SCOC: variants seen among roughly 807,000 people sequenced by gnomAD.
SCOC encodes short coiled-coil protein, also known as short coiled coil protein.
Under a neutral mutation model 9.9 loss-of-function variants are expected in SCOC, and 7 were observed. The observed-to-expected ratio is 0.71, with a 90% confidence interval of 0.40 to 1.33. The LOEUF (loss-of-function observed/expected upper bound fraction) is 1.33, where lower values mean the gene tolerates loss of function less well. Ranked by LOEUF, SCOC falls within the 40% of genes most tolerant of loss-of-function variation. The pLI, the probability that SCOC is intolerant of heterozygous loss-of-function variation, is 0.01. For missense variants in SCOC, 66 were observed against 89.7 expected, an observed-to-expected ratio of 0.74 and a Z score of 1.07; for synonymous variants, 19 against 28.2, an observed-to-expected ratio of 0.67 and a Z score of 1.03.
chr4:140,267,591 C>T (rs908674378), intron 1 of SCOC, among the ~76,000 whole-genome samples: 1 of 152,008 alleles, frequency 6.6e-6, no homozygotes, highest in Non-Finnish European at 1.5e-5. Context: ...GAGGGAGAAA[C>T]GAGGCCTTCT....
chr4:140,358,286 A>G (rs1727319493), intron 2 of SCOC, among the ~76,000 whole-genome samples: 1 of 152,224 alleles, frequency 6.6e-6, no homozygotes, highest in Admixed American at 6.5e-5. Context: ...GATAGTTACG[A>G]TCATTGCTGC....
intron 2 of SCOC, chr4:140,366,133 A>G (rs1048964348): frequency 1.1e-5 from 5 of 439,866 alleles, no homozygotes; most frequent in Middle Eastern, 5.6e-4. Context: ...TGAGCAGCCT[A>G]GCATTTTAGA....
chr4:140,348,233 G>A (rs963042483), intron 2 of SCOC, among the ~76,000 whole-genome samples: 1 of 152,016 alleles, frequency 6.6e-6, no homozygotes, highest in Admixed American at 6.6e-5. Context: ...TAGTTGCCGT[G>A]ATGTACAAAA....
chr4:140,290,477 AC>A (rs1377444023), intron 1 of SCOC, among the ~76,000 whole-genome samples: 1 of 152,144 alleles, frequency 6.6e-6, no homozygotes, highest in African/African-American at 2.4e-5. Flanking sequence ...ACAATAGACT[AC>A]TGCTGAGCCT....
Position 140,301,798 on chromosome 4 carries a change from G to A in SCOC, c.-18-41823G>A, listed in dbSNP as rs1731818920. 3.3e-5 allele frequency among the ~76,000 whole-genome samples: 5 copies of A among 152,244 alleles called. No individual in the cohort carries two copies. In the South Asian group the frequency reaches 1.0e-3, roughly 32 times the overall value. On this transcript the variant is annotated intron_variant, in intron 1 of 4. Transcript: ENST00000394205. ...ACAATCACTTTTTCTGAGGATTTAT[G>A]TTTCTTTCTAAAAACTATTATTCTT...
rs979230803 is a variant in SCOC at position 140,385,035 on chromosome 4, T to C, written c.*3931T>C. 1.3e-5 allele frequency: 2 copies of C among 152,232 alleles called. No individual in the cohort carries two copies. Among genetic ancestry groups the C allele is most frequent in the Non-Finnish European group, 2.9e-5 (2 of 68,046 alleles). 9.4% of individuals were successfully genotyped at this position (152,232 alleles called of 1,614,324 possible). A position where few individuals can be genotyped will look rare whatever the true frequency, so the allele number is the denominator to read the frequency against. On this transcript the variant is annotated 3_prime_UTR_variant, in exon 4 of 4. Transcript: ENST00000608372. Reference sequence around the variant, plus strand: ...CTTCCAAAACTGAGAAATAAATTTGTTTATAAGCCACCCAGTCTATATTTT... The same window carrying C: ...CTTCCAAAACTGAGAAATAAATTTGCTTATAAGCCACCCAGTCTATATTTT...
At chr4:140,287,563 C>T (rs1156374706) in intron 1 of SCOC, among the ~76,000 whole-genome samples, 1 of 152,028 alleles carries the variant, frequency 6.6e-6, no homozygotes, top group African/African-American at 2.4e-5. Context: ...ACACATGCCA[C>T]ACAGACCATG....
chr4:140,278,161 T>C (rs1002966352), intron 1 of SCOC, among the ~76,000 whole-genome samples: 4 of 152,236 alleles, frequency 2.6e-5, no homozygotes, highest in African/African-American at 4.8e-5. Context: ...CTCACAGTTC[T>C]AGAGGCTGGG....
At chr4:140,366,089 GATC>G (rs1400845484) in intron 2 of SCOC, among the ~76,000 whole-genome samples, 1 of 152,000 alleles carries the variant, frequency 6.6e-6, no homozygotes, top group Non-Finnish European at 1.5e-5. Flanking sequence ...AAACTGTAAA[GATC>G]ATGTTTGTAT....
chr4:140,329,413 C>A (rs1387599013), intron 1 of SCOC, among the ~76,000 whole-genome samples: 1 of 152,062 alleles, frequency 6.6e-6, no homozygotes, highest in Non-Finnish European at 1.5e-5. Context: ...GACCAAGAAC[C>A]CAAAAGCAAA....
At chr4:140,317,608 A>G (rs1354400197) in intron 1 of SCOC, among the ~76,000 whole-genome samples, 3 of 145,482 alleles carry the variant, frequency 2.1e-5, no homozygotes, top group Non-Finnish European at 3.0e-5. Flanking sequence ...TGACGCTCCC[A>G]GCTGAATAAA....
intron 1 of SCOC, among the ~76,000 whole-genome samples, chr4:140,261,177 A>G (rs1447729668): frequency 6.6e-6 from 1 of 152,212 alleles, no homozygotes; most frequent in Non-Finnish European, 1.5e-5. Context: ...CAAAGTTTGT[A>G]GACATTATAT....
rs1464237747 is a variant in SCOC at position 140,382,146 on chromosome 4, GA to G, written c.*1045del. The G allele has an allele frequency of 6.6e-6, 1 of 152,114 alleles. No individual in the cohort carries two copies. Among genetic ancestry groups the G allele is most frequent in the African/African-American group, 2.4e-5 (1 of 41,418 alleles). The allele number at this position is 152,114 out of a possible 1,614,324, so 9.4% of individuals were successfully genotyped here. A position where few individuals can be genotyped will look rare whatever the true frequency, so the allele number is the denominator to read the frequency against. ...AGTATTAGAATAGTGAATAAAATGG[GA>G]AAGTTATACATGTATACTTATTATC... On this transcript the variant is annotated 3_prime_UTR_variant, in exon 4 of 4. Transcript: ENST00000608372.
intron 1 of SCOC, among the ~76,000 whole-genome samples, chr4:140,258,602 A>G (rs868526672): frequency 1.8e-4 from 28 of 152,158 alleles, no homozygotes; most frequent in African/African-American, 6.5e-4. Flanking sequence ...TTCCTTATTT[A>G]CCAGAGATTC....
chr4:140,381,163 G>A lies in SCOC; in HGVS notation c.*59G>A. Reference sequence around the variant, plus strand: ...GCTGATCATTTTTTCTTTAAAACTTGGATAGATTCCAAAAGTTACAGTACC... The same window carrying A: ...GCTGATCATTTTTTCTTTAAAACTTAGATAGATTCCAAAAGTTACAGTACC... On this transcript the variant is annotated 3_prime_UTR_variant, in exon 4 of 4. Transcript: ENST00000608372. 6.6e-7 allele frequency: 1 copy of A among 1,507,392 alleles called. No individual in the cohort carries two copies. Among genetic ancestry groups the A allele is most frequent in the Non-Finnish European group, 8.9e-7 (1 of 1,126,406 alleles). 93.4% of individuals were successfully genotyped at this position (1,507,392 alleles called of 1,614,324 possible). A position where few individuals can be genotyped will look rare whatever the true frequency, so the allele number is the denominator to read the frequency against.
At chr4:140,345,574 TA>T (rs1353267794) in intron 2 of SCOC, among the ~76,000 whole-genome samples, 1 of 152,190 alleles carries the variant, frequency 6.6e-6, no homozygotes, top group Non-Finnish European at 1.5e-5. Context: ...CAAATTATTA[TA>T]AAAAAATGGA....
At chr4:140,379,448 A>T (rs564092985) in intron 2 of SCOC, 121 bp from the exon 3 acceptor site, 2 of 778,156 alleles carry the variant, frequency 2.6e-6, no homozygotes, top group South Asian at 3.2e-5. Flanking sequence ...ATTTTATTTC[A>T]CAGGGCTCTT....
intron 2 of SCOC, among the ~76,000 whole-genome samples, chr4:140,363,129 G>A (rs1229057960): frequency 5.9e-5 from 9 of 152,136 alleles, no homozygotes; most frequent in Admixed American, 5.9e-4. Context: ...CATCTACAGG[G>A]GCCCTCTGCC....
chr4:140,342,920 T>G (rs1726561487), upstream of SCOC, among the ~76,000 whole-genome samples: 1 of 152,174 alleles, frequency 6.6e-6, no homozygotes, highest in Non-Finnish European at 1.5e-5. Context: ...CAGGATGAGG[T>G]GTCTGAACAG....
Sources: allele counts gnomAD v4.1 joint callset (sites outside exome capture counted in the v4.1 genomes callset), GRCh38; gene constraint gnomAD v4.1.1; transcripts MANE v1.5; gene names NCBI Gene and HGNC (gene_info 2026-07-23, HGNC 2026-07-21).